PRR16: variants seen among roughly 807,000 people sequenced by gnomAD.
The protein encoded by PRR16 is proline rich 16, also known as protein Largen.
A neutral mutation model predicts 18.2 loss-of-function variants in PRR16; 6 were observed. The observed-to-expected ratio is 0.33, with a 90% CI of 0.18 to 0.65. The LOEUF (loss-of-function observed/expected upper bound fraction) is 0.65, where lower values mean the gene tolerates loss of function less well. PRR16 is among the 30% of genes least tolerant of loss of function. PRR16 has a pLI of 0.74. For synonymous variants in PRR16, 151 were observed against 147.8 expected (o/e 1.02, Z -0.16); for missense variants, 412 against 376.6 (o/e 1.09, Z -0.78).
chr5:120,502,796 A>G (rs911988480), intron 1 of PRR16, among the ~76,000 whole-genome samples: 4 of 152,234 alleles, frequency 2.6e-5, no homozygotes, highest in East Asian at 3.8e-4. Context: ...AGACTGTCTC[A>G]TAACTCCAAC....
intron 1 of PRR16, among the ~76,000 whole-genome samples, chr5:120,534,462 C>A (rs1262597274): frequency 6.6e-6 from 1 of 152,094 alleles, no homozygotes; most frequent in Non-Finnish European, 1.5e-5. Context: ...TTAAGTCTAA[C>A]AACTGTTTTA....
At chr5:120,673,356 C>T (rs957175556) in intron 1 of PRR16, among the ~76,000 whole-genome samples, 4 of 152,170 alleles carry the variant, frequency 2.6e-5, no homozygotes, top group Non-Finnish European at 5.9e-5. Flanking sequence ...CTCACAAATG[C>T]TTATGGTTGT....
the PRR16 span, among the ~76,000 whole-genome samples, chr5:120,766,681 T>C: frequency 6.6e-6 from 1 of 151,998 alleles, no homozygotes; most frequent in Non-Finnish European, 1.5e-5. Flanking sequence ...AAGACCGTTA[T>C]TTTTCCACAA....
chr5:120,791,041 T>C, the PRR16 span, among the ~76,000 whole-genome samples: 1 of 152,138 alleles, frequency 6.6e-6, no homozygotes, highest in Non-Finnish European at 1.5e-5. Flanking sequence ...ACTAAGCATT[T>C]GTGTTGAACA....
At chr5:120,773,538 C>A in the PRR16 span, among the ~76,000 whole-genome samples, 1 of 152,220 alleles carries the variant, frequency 6.6e-6, no homozygotes, top group South Asian at 2.1e-4. Flanking sequence ...ACTTTCATTT[C>A]TTTCCTTTTA....
At chr5:120,702,641 C>T in the PRR16 span, among the ~76,000 whole-genome samples, 15 of 152,248 alleles carry the variant, frequency 9.9e-5, no homozygotes, top group African/African-American at 2.9e-4. Flanking sequence ...CTTCCCAGTC[C>T]GTGACCGGCG....
intron 1 of PRR16, among the ~76,000 whole-genome samples, chr5:120,613,141 G>A (rs1165283169): frequency 6.6e-6 from 1 of 152,102 alleles, no homozygotes. Flanking sequence ...TTTACACATG[G>A]AACATGGCTA....
At chr5:120,714,124 T>C in the PRR16 span, among the ~76,000 whole-genome samples, 3 of 152,166 alleles carry the variant, frequency 2.0e-5, no homozygotes, top group African/African-American at 7.2e-5. Flanking sequence ...TATAATATGA[T>C]ATTAAATCAC....
At chr5:120,690,624 C>T (rs909980967), downstream of PRR16, among the ~76,000 whole-genome samples, 7 of 152,168 alleles carry the variant, frequency 4.6e-5, no homozygotes, top group Non-Finnish European at 4.4e-5. Context: ...CACAAAATCA[C>T]ATCACCTTTT....
intron 1 of PRR16, among the ~76,000 whole-genome samples, chr5:120,598,860 C>T (rs1298910710): frequency 6.6e-6 from 1 of 151,730 alleles, no homozygotes; most frequent in Non-Finnish European, 1.5e-5. Context: ...ATGCTTTTGG[C>T]TTTAAAATCA....
intron 1 of PRR16, among the ~76,000 whole-genome samples, chr5:120,544,964 G>A (rs555703748): frequency 2.6e-5 from 4 of 152,192 alleles, no homozygotes; most frequent in Admixed American, 1.3e-4. Context: ...TTAATCTTAA[G>A]AAACATTCCA....
chr5:120,635,162 T>C (rs1454122762), intron 1 of PRR16, among the ~76,000 whole-genome samples: 1 of 152,068 alleles, frequency 6.6e-6, no homozygotes, highest in African/African-American at 2.4e-5. Context: ...ACCAGATGAA[T>C]TCATGGCTGA....
intron 1 of PRR16, among the ~76,000 whole-genome samples, chr5:120,476,847 C>G (rs1207655950): frequency 3.3e-5 from 5 of 152,122 alleles, no homozygotes; most frequent in African/African-American, 1.2e-4. Flanking sequence ...GAAGAGTTCT[C>G]TGTATTTGCT....
At chr5:120,672,211 C>T (rs560267891) in intron 1 of PRR16, among the ~76,000 whole-genome samples, 2 of 148,194 alleles carry the variant, frequency 1.3e-5, no homozygotes, top group South Asian at 4.3e-4. Context: ...GATACAGGGG[C>T]TAATTCTTGA....
At chr5:120,528,827 TGAG>T (rs1432556931) in intron 1 of PRR16, among the ~76,000 whole-genome samples, 2 of 152,134 alleles carry the variant, frequency 1.3e-5, no homozygotes, top group Non-Finnish European at 1.5e-5. Context: ...GACATACTGA[TGAG>T]GAGTACAAGA....
chr5:120,502,774 A>C (rs1233788357), intron 1 of PRR16, among the ~76,000 whole-genome samples: 1 of 152,228 alleles, frequency 6.6e-6, no homozygotes, highest in African/African-American at 2.4e-5. Context: ...CAACCTAATA[A>C]AAATGAGTAA....
chr5:120,563,130 G>A (rs572955669), intron 1 of PRR16, among the ~76,000 whole-genome samples: 2 of 152,152 alleles, frequency 1.3e-5, no homozygotes, highest in Admixed American at 6.5e-5. Flanking sequence ...CATGCTTGAG[G>A]GATATTTTTG....
intron 1 of PRR16, among the ~76,000 whole-genome samples, chr5:120,642,781 T>G (rs1480658102): frequency 6.6e-6 from 1 of 152,056 alleles, no homozygotes; most frequent in African/African-American, 2.4e-5. Context: ...ACATTACCAC[T>G]GCCCACCCAT....
At chr5:120,653,690 T>G (rs762851535) in intron 1 of PRR16, among the ~76,000 whole-genome samples, 60 of 150,642 alleles carry the variant, frequency 4.0e-4, no homozygotes, top group Non-Finnish European at 7.7e-4. Context: ...ATGCTTCACA[T>G]TAAAAAAAAA....
Sources: allele counts gnomAD v4.1 joint callset (sites outside exome capture counted in the v4.1 genomes callset), GRCh38; gene constraint gnomAD v4.1.1; transcripts MANE v1.5; gene names NCBI Gene and HGNC (gene_info 2026-07-23, HGNC 2026-07-21).